Variants in EDIL3 observed in about 807,000 individuals in gnomAD.
The protein encoded by EDIL3 is EGF like and discoidin domains 3, also known as EGF-like repeat and discoidin I-like domain-containing protein 3.
In EDIL3, 37 loss-of-function variants were observed where a neutral mutation model predicts 67.4. The observed-to-expected ratio is 0.55, with a 90% CI of 0.42 to 0.72. EDIL3 has a LOEUF of 0.72. EDIL3 is among the 30% of genes least tolerant of loss of function. EDIL3 has a pLI of 0.00. For synonymous variants in EDIL3, 195 were observed against 196.3 expected (o/e 0.99, Z 0.05); for missense variants, 527 against 586.3 (o/e 0.90, Z 1.04).
chr5:84,371,433 GTA>G (rs71879324), intron 1 of EDIL3, among the ~76,000 whole-genome samples: 33,714 of 127,752 alleles, frequency 0.26, 4,639 homozygotes, highest in East Asian at 0.48. Context: ...ATATGTGTGT[GTA>G]TATATATATA....
intron 5 of EDIL3, among the ~76,000 whole-genome samples, chr5:84,111,341 C>T (rs112798600): frequency 0.028 from 4,193 of 152,226 alleles, 87 homozygotes; most frequent in Middle Eastern, 0.061. Context: ...TGTCTGTCTC[C>T]TAAGGTGTTA....
intron 1 of EDIL3, among the ~76,000 whole-genome samples, chr5:84,286,987 T>A (rs1197479366): frequency 6.6e-6 from 1 of 152,148 alleles, no homozygotes; most frequent in African/African-American, 2.4e-5. Flanking sequence ...ATGGTTTAGA[T>A]AAAAATCTAT....
chr5:84,246,531 C>T (rs1173638593), intron 2 of EDIL3, among the ~76,000 whole-genome samples: 1 of 152,196 alleles, frequency 6.6e-6, no homozygotes, highest in African/African-American at 2.4e-5. Context: ...CAGTAAAATA[C>T]ATTCAAATAC....
intron 10 of EDIL3, among the ~76,000 whole-genome samples, chr5:83,945,214 T>C (rs1466106499): frequency 6.6e-6 from 1 of 151,988 alleles, no homozygotes; most frequent in Non-Finnish European, 1.5e-5. Flanking sequence ...TGGACTGAAA[T>C]GTGCTACTAC....
intron 6 of EDIL3, among the ~76,000 whole-genome samples, chr5:84,106,043 A>G (rs1021619194): frequency 6.6e-6 from 1 of 152,144 alleles, no homozygotes; most frequent in Non-Finnish European, 1.5e-5. Flanking sequence ...TAGTTCATCT[A>G]AATGCTCAAA....
At chr5:84,158,537 T>C (rs1190617386) in intron 4 of EDIL3, among the ~76,000 whole-genome samples, 1 of 152,006 alleles carries the variant, frequency 6.6e-6, no homozygotes, top group African/African-American at 2.4e-5. Context: ...TTCTAAAACA[T>C]AATTTTAAAG....
At chr5:84,080,601 T>C (rs534159045) in intron 6 of EDIL3, among the ~76,000 whole-genome samples, 31 of 138,378 alleles carry the variant, frequency 2.2e-4, no homozygotes, top group Admixed American at 2.2e-4. Flanking sequence ...ACACAATTGA[T>C]AAAATGTGAC....
At chr5:84,252,238 T>C (rs1165349336) in intron 2 of EDIL3, among the ~76,000 whole-genome samples, 1 of 151,978 alleles carries the variant, frequency 6.6e-6, no homozygotes, top group Non-Finnish European at 1.5e-5. Context: ...ACGCCTGTAA[T>C]CCCAACACTT....
intron 9 of EDIL3, among the ~76,000 whole-genome samples, chr5:83,999,382 A>C (rs1745285463): frequency 6.6e-6 from 1 of 152,132 alleles, no homozygotes; most frequent in Admixed American, 6.5e-5. Context: ...ATTTTGGGGA[A>C]GCTCAATGAA....
chr5:84,036,536 C>T (rs1175558338), intron 9 of EDIL3, among the ~76,000 whole-genome samples: 2 of 152,120 alleles, frequency 1.3e-5, no homozygotes, highest in African/African-American at 4.8e-5. Context: ...CCTTTCTAAA[C>T]AGCATATTTT....
chr5:84,053,485 A>G (rs1326767002), intron 9 of EDIL3, among the ~76,000 whole-genome samples: 1 of 152,234 alleles, frequency 6.6e-6, no homozygotes, highest in Non-Finnish European at 1.5e-5. Context: ...AGACAGAGAC[A>G]CAAAAAACCC....
rs748413355 is a variant in EDIL3, at chr5:83,943,373, T to C, written c.*46A>G. ...TTTTGCACAGTTCATTCCATGGAGA[T>C]ACTTTTAGGGAAATAGGGAAGAGGG... is the stretch of plus-strand genomic sequence containing the variant. On this transcript the variant is annotated 3_prime_UTR_variant, in exon 11 of 11. Coordinates refer to ENST00000296591, the MANE Select transcript of EDIL3 (RefSeq NM_005711.5). 8 of 1,608,748 alleles carry C rather than the reference T, an allele frequency of 5.0e-6. No individual in the cohort carries two copies. In the Admixed American group the frequency reaches 5.0e-5, roughly 10 times the overall value.
At chr5:84,324,914 A>T (rs148020541) in intron 1 of EDIL3, among the ~76,000 whole-genome samples, 1,846 of 139,740 alleles carry the variant, frequency 0.013, 43 homozygotes, top group African/African-American at 0.044. Context: ...TCAGGAGTCA[A>T]AATTCTCCTG....
chr5:84,383,280 T>C (rs973296054), intron 1 of EDIL3, among the ~76,000 whole-genome samples: 1 of 152,010 alleles, frequency 6.6e-6, no homozygotes, highest in Non-Finnish European at 1.5e-5. Flanking sequence ...CCACACACCC[T>C]GCTGCCCCCG....
At chr5:84,107,857 G>A (rs1261033001) in intron 5 of EDIL3, among the ~76,000 whole-genome samples, 5 of 150,574 alleles carry the variant, frequency 3.3e-5, no homozygotes, top group Non-Finnish European at 7.4e-5. Context: ...AATAAGTAGG[G>A]ATATGATATA....
intron 1 of EDIL3, among the ~76,000 whole-genome samples, chr5:84,316,965 A>C (rs888210191): frequency 2.0e-5 from 3 of 152,134 alleles, no homozygotes; most frequent in Non-Finnish European, 4.4e-5. Flanking sequence ...CTCACTCAAA[A>C]CCGCACAACT....
chr5:84,115,307 G>A (rs1254632472), intron 5 of EDIL3, among the ~76,000 whole-genome samples: 1 of 152,054 alleles, frequency 6.6e-6, no homozygotes, highest in Non-Finnish European at 1.5e-5. Flanking sequence ...TTAAAATGTG[G>A]CTATGTTTTC....
intron 4 of EDIL3, among the ~76,000 whole-genome samples, chr5:84,160,292 A>C (rs1748580021): frequency 6.6e-6 from 1 of 152,066 alleles, no homozygotes; most frequent in Non-Finnish European, 1.5e-5. Flanking sequence ...TATCTCTTGA[A>C]CTTTTCTGGG....
chr5:84,132,634 CTATGTT>C lies in EDIL3; in HGVS notation c.469+4601_469+4606del, dbSNP rs1748013471. Among the ~76,000 whole-genome samples the C allele has an allele frequency of 2.3e-5, 3 of 128,388 alleles. No homozygotes were observed. In the Admixed American group the frequency reaches 2.9e-4, roughly 12 times the overall value. The allele number at this position is 128,388 out of a possible 152,430, so 84.2% of individuals were successfully genotyped here. ...TAAATATACACACAGTATATATTGT[CTATGTT>C]TATGTGCTTGGAAATACTAGCTAAT... On this transcript the variant is annotated intron_variant, in intron 5 of 10. Coordinates refer to ENST00000296591, the MANE Select transcript of EDIL3 (RefSeq NM_005711.5).
Sources: gnomAD v4.1 joint callset for allele counts (sites outside exome capture counted in the v4.1 genomes callset) on GRCh38, gnomAD v4.1.1 for gene constraint, MANE v1.5 for transcripts, NCBI Gene and HGNC (gene_info 2026-07-23, HGNC 2026-07-21) for gene names.